The following CWC27 variants were observed in gnomAD, a reference collection of about 807,000 sequenced individuals.
CWC27 encodes the protein spliceosome-associated protein CWC27 homolog.
In CWC27, 47 loss-of-function variants were observed where a neutral mutation model predicts 63.6. The observed-to-expected ratio is 0.74, with a 90% CI of 0.58 to 0.94. CWC27 has a LOEUF of 0.94. Ranked by LOEUF, CWC27 falls within the 40% of genes least tolerant of loss-of-function variation. The pLI, the probability that CWC27 is intolerant of heterozygous loss-of-function variation, is 0.00. For synonymous variants in CWC27, 175 were observed against 179.8 expected (o/e 0.97, Z 0.22); for missense variants, 495 against 554.3 (o/e 0.89, Z 1.07).
At chr5:64,825,628 C>G (rs1561423924) in intron 10 of CWC27, among the ~76,000 whole-genome samples, 2 of 151,958 alleles carry the variant, frequency 1.3e-5, no homozygotes, top group African/African-American at 2.4e-5. Flanking sequence ...ATGATTGATT[C>G]TGAACCCCTC....
intron 11 of CWC27, among the ~76,000 whole-genome samples, chr5:64,938,550 T>G (rs940286310): frequency 6.6e-6 from 1 of 152,208 alleles, no homozygotes; most frequent in African/African-American, 2.4e-5. Flanking sequence ...TTTTCCTTCA[T>G]TTCATCCTTG....
chr5:64,943,366 C>CT (rs1334947322), intron 11 of CWC27, among the ~76,000 whole-genome samples: 1 of 152,214 alleles, frequency 6.6e-6, no homozygotes, highest in Non-Finnish European at 1.5e-5. Context: ...TGGCATGCTG[C>CT]TTTTTATACA....
At chr5:64,985,601 T>C (rs1462089168) in intron 13 of CWC27, among the ~76,000 whole-genome samples, 1 of 152,222 alleles carries the variant, frequency 6.6e-6, no homozygotes. Context: ...TGGTTTTTGT[T>C]TGTTGGCCTG....
At chr5:64,903,913 C>G (rs948883334) in intron 11 of CWC27, among the ~76,000 whole-genome samples, 1 of 152,100 alleles carries the variant, frequency 6.6e-6, no homozygotes, top group African/African-American at 2.4e-5. Context: ...CACTTAGTTC[C>G]TTTATCACCA....
At chr5:64,967,857 A>C (rs1749047707) in intron 11 of CWC27, among the ~76,000 whole-genome samples, 1 of 152,056 alleles carries the variant, frequency 6.6e-6, no homozygotes, top group South Asian at 2.1e-4. Context: ...CCATGAGGAA[A>C]ATAAGGATTT....
At chr5:64,867,738 A>C (rs1344884709) in intron 10 of CWC27, among the ~76,000 whole-genome samples, 2 of 152,118 alleles carry the variant, frequency 1.3e-5, no homozygotes, top group Non-Finnish European at 2.9e-5. Flanking sequence ...GCCATAGTCC[A>C]CTGAAAGACA....
chr5:64,814,497 C>T (rs1744972943), intron 10 of CWC27, among the ~76,000 whole-genome samples: 1 of 152,020 alleles, frequency 6.6e-6, no homozygotes, highest in Admixed American at 6.6e-5. Context: ...AACTTATTTC[C>T]CTAATATAAC....
At chr5:64,769,367 T>G (rs1440840030) in intron 1 of CWC27, among the ~76,000 whole-genome samples, 179 bp downstream of exon 1, 1 of 152,182 alleles carries the variant, frequency 6.6e-6, no homozygotes, top group African/African-American at 2.4e-5. Flanking sequence ...CTTTTCAGGA[T>G]GTACTTGAAG....
intron 10 of CWC27, among the ~76,000 whole-genome samples, chr5:64,850,678 T>A (rs1746112603): frequency 6.6e-6 from 1 of 152,052 alleles, no homozygotes; most frequent in East Asian, 1.9e-4. Context: ...AAAGGGTTAA[T>A]GTCTAAAATA....
intron 11 of CWC27, among the ~76,000 whole-genome samples, chr5:64,969,200 C>A (rs929832873): frequency 2.1e-4 from 32 of 152,304 alleles, no homozygotes; most frequent in African/African-American, 7.7e-4. Flanking sequence ...TTACCTATGA[C>A]ATGAGATAGC....
At position 64,783,987 on chromosome 5, in the gene CWC27, T is replaced by G; in HGVS notation, c.396+8T>G. 1 of 1,557,648 alleles carries G rather than the reference T, an allele frequency of 6.4e-7. No individual in the cohort carries two copies. The highest frequency in any genetic ancestry group is 2.0e-5 in the Admixed American group (1 of 49,878). On this transcript the variant is annotated splice_region_variant and intron_variant, in intron 4 of 13. Coordinates refer to ENST00000381070, the MANE Select transcript of CWC27 (RefSeq NM_005869.4). ...CATACCATCTTTGGAAAGGTTAGTGTCCAGTGATTTTAAACCTGTGGTTCA... is the reference window on the plus strand; with the variant it reads ...CATACCATCTTTGGAAAGGTTAGTGGCCAGTGATTTTAAACCTGTGGTTCA...
intron 11 of CWC27, among the ~76,000 whole-genome samples, chr5:64,956,101 G>A (rs1580748159): frequency 6.6e-6 from 1 of 152,048 alleles, no homozygotes; most frequent in African/African-American, 2.4e-5. Context: ...TTAGACACGA[G>A]TCCAAACAAC....
At chr5:64,809,105 C>G (rs1164612200) in intron 10 of CWC27, among the ~76,000 whole-genome samples, 1 of 152,070 alleles carries the variant, frequency 6.6e-6, no homozygotes, top group Non-Finnish European at 1.5e-5. Flanking sequence ...AGTTACTTCC[C>G]CCTCATCTCC....
intron 10 of CWC27, among the ~76,000 whole-genome samples, chr5:64,818,881 G>T (rs1745118202): frequency 6.6e-6 from 1 of 152,078 alleles, no homozygotes; most frequent in African/African-American, 2.4e-5. Flanking sequence ...ATTATGTTTT[G>T]TTCCTTTTAT....
rs116845895 is a variant in CWC27, at chr5:64,824,637, C to A, written c.938+20251C>A. 2.6e-4 allele frequency among the ~76,000 whole-genome samples: 37 copies of A among 144,084 alleles called. No individual in the cohort carries two copies. In the East Asian group the frequency reaches 7.8e-3, roughly 31 times the overall value. The allele number at this position is 144,084 out of a possible 152,430, so 94.5% of individuals were successfully genotyped here. A position where few individuals can be genotyped will look rare whatever the true frequency, so the allele number is the denominator to read the frequency against. On this transcript the variant is annotated intron_variant, in intron 10 of 13. Transcript: ENST00000381070. The stretch of plus-strand genomic sequence containing the variant: ...GGTATGTCAGTCCTAAGGGTACCTT[C>A]TTCTAATCCTTCAGTCTAGAAAAGT...
At chr5:64,970,211 AT>A (rs11369937) in intron 11 of CWC27, among the ~76,000 whole-genome samples, 29,442 of 135,212 alleles carry the variant, frequency 0.22, 2,682 homozygotes, top group African/African-American at 0.3. Context: ...TATGAAAGTA[AT>A]TTTTTTTTTT....
At chr5:64,970,211 ATT>A (rs11369937) in intron 11 of CWC27, among the ~76,000 whole-genome samples, 28,721 of 135,186 alleles carry the variant, frequency 0.21, 2,897 homozygotes, top group South Asian at 0.34. Context: ...TATGAAAGTA[ATT>A]TTTTTTTTTT....
At chr5:64,945,273 T>C (rs933434688) in intron 11 of CWC27, among the ~76,000 whole-genome samples, 4 of 152,304 alleles carry the variant, frequency 2.6e-5, no homozygotes, top group East Asian at 1.9e-4. Context: ...CTTATTAATT[T>C]GTTGTTTGTT....
At chr5:64,892,506 A>T (rs1041694759) in intron 11 of CWC27, among the ~76,000 whole-genome samples, 1 of 152,158 alleles carries the variant, frequency 6.6e-6, no homozygotes, top group Admixed American at 6.5e-5. Flanking sequence ...ACTTTGTGAT[A>T]TTTATTTTTT....
Sources: gnomAD v4.1 joint callset for allele counts (sites outside exome capture counted in the v4.1 genomes callset) on GRCh38, gnomAD v4.1.1 for gene constraint, MANE v1.5 for transcripts, NCBI Gene and HGNC (gene_info 2026-07-23, HGNC 2026-07-21) for gene names.